SOX5: variants seen among roughly 807,000 people sequenced by gnomAD.
SOX5 encodes SRY-box transcription factor 5.
In SOX5, 9 loss-of-function variants were observed where a neutral mutation model predicts 92.0. That is an observed-to-expected ratio of 0.10 (90% CI 0.06 to 0.17). The LOEUF (loss-of-function observed/expected upper bound fraction) is 0.17. SOX5 is among the 10% of genes least tolerant of loss of function. SOX5 has a pLI of 1.00. For synonymous variants in SOX5, 344 were observed against 336.3 expected (o/e 1.02, Z -0.25); for missense variants, 642 against 944.5 (o/e 0.68, Z 4.20).
At chr12:24,342,241 C>T (rs1187501659) in intron 2 of SOX5, among the ~76,000 whole-genome samples, 1 of 152,174 alleles carries the variant, frequency 6.6e-6, no homozygotes, top group East Asian at 1.9e-4. Flanking sequence ...TTCTTTGAGC[C>T]TCACTCCTGA....
At chr12:23,719,107 T>C (rs1030387177) in intron 6 of SOX5, among the ~76,000 whole-genome samples, 2 of 152,226 alleles carry the variant, frequency 1.3e-5, no homozygotes, top group South Asian at 2.1e-4. Context: ...AGAATGTCCA[T>C]GGATTGGCTT....
intron 9 of SOX5, among the ~76,000 whole-genome samples, chr12:23,602,577 A>T (rs953858144): frequency 1.3e-5 from 2 of 152,094 alleles, no homozygotes; most frequent in Non-Finnish European, 2.9e-5. Context: ...TTTAAAAGTG[A>T]GCTACATATC....
chr12:23,841,644 A>G (rs2096517452), intron 3 of SOX5, among the ~76,000 whole-genome samples: 2 of 152,176 alleles, frequency 1.3e-5, no homozygotes, highest in Non-Finnish European at 2.9e-5. Flanking sequence ...TCAAGCTATA[A>G]ACAGCCATGG....
intron 1 of SOX5, among the ~76,000 whole-genome samples, chr12:23,938,056 G>A (rs1942955631): frequency 6.6e-6 from 1 of 150,660 alleles, no homozygotes. Flanking sequence ...TCGATCATTA[G>A]CAGCATTTTA....
intron 1 of SOX5, among the ~76,000 whole-genome samples, chr12:24,556,386 A>C (rs888008409): frequency 6.6e-6 from 1 of 152,240 alleles, no homozygotes; most frequent in Admixed American, 6.5e-5. Flanking sequence ...TCTTCAAATC[A>C]GGCAATGGTA....
At chr12:23,904,653 CTG>C (rs2097272352) in intron 1 of SOX5, among the ~76,000 whole-genome samples, 1 of 152,072 alleles carries the variant, frequency 6.6e-6, no homozygotes, top group African/African-American at 2.4e-5. Context: ...AAAGTTCAAA[CTG>C]TATTTAAAAA....
chr12:23,804,738 A>T (rs1456365605), intron 3 of SOX5, among the ~76,000 whole-genome samples: 1 of 151,684 alleles, frequency 6.6e-6, no homozygotes, highest in Non-Finnish European at 1.5e-5. Flanking sequence ...CCCCTGATGG[A>T]ACTACTGACT....
intron 1 of SOX5, among the ~76,000 whole-genome samples, chr12:24,397,622 G>A (rs1960376418): frequency 6.6e-6 from 1 of 151,206 alleles, no homozygotes; most frequent in South Asian, 2.1e-4. Context: ...TTTAGAAAGA[G>A]AAGACAAATT....
rs552904632 is a variant in SOX5 at position 23,803,287 on chromosome 12, A to G, written c.481+42696T>C. ...AATCACTATATCCAAAAGAGGACTCATTATCTGTCCCAACAAGAAATCAGC... is the reference window on the plus strand; with the variant it reads ...AATCACTATATCCAAAAGAGGACTCGTTATCTGTCCCAACAAGAAATCAGC... On this transcript the variant is annotated intron_variant, in intron 3 of 14. Coordinates refer to ENST00000451604, the MANE Select transcript of SOX5 (RefSeq NM_006940.6). 2.6e-5 allele frequency among the ~76,000 whole-genome samples: 4 copies of G among 152,316 alleles called. No individual in the cohort carries two copies. In the East Asian group the frequency reaches 7.7e-4, roughly 29 times the overall value.
At chr12:23,688,574 C>T (rs1481779697) in intron 6 of SOX5, among the ~76,000 whole-genome samples, 1 of 151,996 alleles carries the variant, frequency 6.6e-6, no homozygotes, top group East Asian at 1.9e-4. Flanking sequence ...GTTTCCTATG[C>T]CTCACTTACA....
At chr12:24,408,918 T>C (rs1963536185) in intron 1 of SOX5, among the ~76,000 whole-genome samples, 1 of 152,230 alleles carries the variant, frequency 6.6e-6, no homozygotes, top group Non-Finnish European at 1.5e-5. Context: ...GACAGCATGG[T>C]GATTCCTCGA....
At chr12:23,538,958 G>A (rs953720535) in intron 13 of SOX5, among the ~76,000 whole-genome samples, 38 of 151,302 alleles carry the variant, frequency 2.5e-4, no homozygotes, top group African/African-American at 8.2e-4. Flanking sequence ...CCGCCACCAC[G>A]CCCGGCTAGC....
chr12:24,530,585 G>T (rs1387213262), intron 1 of SOX5, among the ~76,000 whole-genome samples: 2 of 151,828 alleles, frequency 1.3e-5, no homozygotes, highest in Admixed American at 6.6e-5. Context: ...CCCAGGAGGT[G>T]GAGGTTGCAA....
At chr12:23,669,706 T>C (rs1428445890) in intron 6 of SOX5, among the ~76,000 whole-genome samples, 2 of 151,228 alleles carry the variant, frequency 1.3e-5, no homozygotes, top group East Asian at 3.9e-4. Flanking sequence ...GATGAAAAAA[T>C]GATAAAATCA....
At chr12:24,249,993 A>C (rs528336765) in intron 3 of SOX5, among the ~76,000 whole-genome samples, 5 of 152,340 alleles carry the variant, frequency 3.3e-5, no homozygotes, top group Admixed American at 2.0e-4. Context: ...GGAAGCAGGC[A>C]TATCTTCACA....
chr12:23,890,512 A>G (rs1424008097), intron 2 of SOX5, among the ~76,000 whole-genome samples: 2 of 152,182 alleles, frequency 1.3e-5, no homozygotes, highest in Non-Finnish European at 2.9e-5. Context: ...CAACAGAAGT[A>G]GCAAAGAAGT....
chr12:24,455,858 A>G (rs769274451), intron 1 of SOX5, among the ~76,000 whole-genome samples: 2 of 152,194 alleles, frequency 1.3e-5, no homozygotes, highest in Non-Finnish European at 2.9e-5. Flanking sequence ...TGCCCACAGT[A>G]GAATGACTGT....
intron 6 of SOX5, among the ~76,000 whole-genome samples, chr12:23,702,957 G>GTAAC (rs1477497795): frequency 6.6e-6 from 1 of 151,960 alleles, no homozygotes; most frequent in Admixed American, 6.6e-5. Flanking sequence ...TTGTCCATGG[G>GTAAC]TAACTGCACA....
chr12:24,317,804 G>A (rs1015167484), intron 2 of SOX5, among the ~76,000 whole-genome samples: 1 of 152,038 alleles, frequency 6.6e-6, no homozygotes, highest in Non-Finnish European at 1.5e-5. Flanking sequence ...TACACTCTTT[G>A]TTAACACTCT....
Sources: gnomAD v4.1 joint callset for allele counts (sites outside exome capture counted in the v4.1 genomes callset) on GRCh38, gnomAD v4.1.1 for gene constraint, MANE v1.5 for transcripts, NCBI Gene and HGNC (gene_info 2026-07-23, HGNC 2026-07-21) for gene names.